The following BCAP31 variants were observed in gnomAD, a reference collection of about 807,000 sequenced individuals.
The protein encoded by BCAP31 is B cell receptor associated protein 31, also known as B-cell receptor-associated protein 31.
For synonymous variants in BCAP31, 75 were observed against 80.9 expected, an observed-to-expected ratio of 0.93 and a Z score of 0.39; for missense variants, 124 against 193.0, an observed-to-expected ratio of 0.64 and a Z score of 2.12.
intron 4 of BCAP31, among the ~76,000 whole-genome samples, chrX:153,707,437 G>A (rs1453779718): frequency 5.4e-5 from 6 of 110,794 alleles, no homozygotes; most frequent in African/African-American, 2.0e-4. Context: ...ACTCCCAGGA[G>A]AGGAAATGCT....
rs916323139 is a variant in BCAP31, at chrX:153,715,122, C to G, written c.341+420G>C. On this transcript the variant is annotated intron_variant, in intron 4 of 7. Coordinates refer to ENST00000345046, the MANE Select transcript of BCAP31 (RefSeq NM_001256447.2). ...CCTGAGGTGAGGAGAGGCCCAGCCTCTTCGTGCCACTTTTACCTGCTGTCC... is the reference window on the plus strand; with the variant it reads ...CCTGAGGTGAGGAGAGGCCCAGCCTGTTCGTGCCACTTTTACCTGCTGTCC... Among the ~76,000 whole-genome samples the G allele has an allele frequency of 4.5e-5, 5 of 112,014 alleles. No individual in the cohort carries two copies. In the Admixed American group the frequency reaches 4.7e-4, roughly 11 times the overall value.
chrX:153,723,412 C>A, intron 1 of BCAP31, 124 bp from the exon 2 acceptor site: 1 of 1,128,536 alleles, frequency 8.9e-7, no homozygotes, highest in Admixed American at 2.8e-5. Context: ...GCTTCAAAGT[C>A]TCTGATGCGC....
At position 153,713,357 on chromosome X, in the gene BCAP31, A is replaced by G. The variant is rs2266869; in HGVS notation, c.341+2185T>C. ...ACTTCGGCATCTGGTCGTTAAGAAC[A>G]GACTCAGACTGGCAAGCATCATGCT... On this transcript the variant is annotated intron_variant, in intron 4 of 7. Coordinates refer to ENST00000345046, the MANE Select transcript of BCAP31 (RefSeq NM_001256447.2). Among the ~76,000 whole-genome samples, 507 of 112,181 alleles carry G rather than the reference A, an allele frequency of 4.5e-3. 4 individuals carry two copies. The highest frequency in any genetic ancestry group is 0.035 in the East Asian group (125 of 3,566).
intron 4 of BCAP31, among the ~76,000 whole-genome samples, chrX:153,714,129 G>C (rs782511665): frequency 9.2e-6 from 1 of 108,729 alleles, no homozygotes; most frequent in Admixed American, 9.9e-5. Context: ...CACCTGCCTC[G>C]GCCTCCCAAA....
At chrX:153,710,446 GCTGGGCCACACA>G (rs1557048987) in intron 4 of BCAP31, among the ~76,000 whole-genome samples, 19 of 111,875 alleles carry the variant, frequency 1.7e-4, no homozygotes, top group Admixed American at 5.6e-4. Context: ...GCCTCACCCT[GCTGGGCCACACA>G]CTGAGAAATG....
At chrX:153,706,778 G>A (rs2091557736) in intron 4 of BCAP31, among the ~76,000 whole-genome samples, 1 of 105,878 alleles carries the variant, frequency 9.4e-6, no homozygotes, top group Non-Finnish European at 1.9e-5. Context: ...CAGGCAAACC[G>A]CCTTGGACTC....
intron 4 of BCAP31, among the ~76,000 whole-genome samples, chrX:153,713,881 C>CTTTTTTTTTT (rs1209475410): frequency 3.1e-5 from 2 of 63,532 alleles, no homozygotes; most frequent in African/African-American, 1.5e-4. Context: ...CGATACTATT[C>CTTTTTTTTTT]TTTTTTTTTT....
intron 4 of BCAP31, among the ~76,000 whole-genome samples, chrX:153,714,576 T>C (rs1301540747): frequency 9.0e-6 from 1 of 110,813 alleles, no homozygotes; most frequent in Non-Finnish European, 1.9e-5. Flanking sequence ...TTAAGACAAG[T>C]AGTCATCGTA....
At chrX:153,718,489 A>G (rs1557050476) in intron 3 of BCAP31, among the ~76,000 whole-genome samples, 1 of 110,921 alleles carries the variant, frequency 9.0e-6, no homozygotes, top group African/African-American at 3.3e-5. Context: ...GGAAAGAAAC[A>G]TAAATACTTT....
At chrX:153,723,586 C>A in intron 1 of BCAP31, 1 of 1,168,297 alleles carries the variant, frequency 8.6e-7, no homozygotes, top group Non-Finnish European at 1.1e-6. Flanking sequence ...CCCGAGATTT[C>A]CGACGCCCGT....
chrX:153,715,385 T>C, intron 4 of BCAP31, 157 bp downstream of exon 4: 1 of 846,491 alleles, frequency 1.2e-6, no homozygotes, highest in Non-Finnish European at 1.7e-6. Flanking sequence ...AGGAGAAAAC[T>C]ATGTGGCTTC....
chrX:153,700,673 G>A lies in BCAP31; in HGVS notation c.*264C>T. 1 of 329,731 alleles carries A rather than the reference G, an allele frequency of 3.0e-6. No homozygotes were observed. Among genetic ancestry groups the A allele is most frequent in the Non-Finnish European group, 5.2e-6 (1 of 190,828 alleles). The allele number at this position is 329,731 out of a possible 1,213,427, so 27.2% of individuals were successfully genotyped here. A position where few individuals can be genotyped will look rare whatever the true frequency, so the allele number is the denominator to read the frequency against. On this transcript the variant is annotated 3_prime_UTR_variant, in exon 8 of 8. Transcript: ENST00000345046. ...AACTAACTCGTGCTCTCCACGCTCA[G>A]GCGTGGAAGCCAAGGCTGTGCCAGG...
chrX:153,700,854 C>A lies in BCAP31; in HGVS notation c.*83G>T. On this transcript the variant is annotated 3_prime_UTR_variant, in exon 8 of 8. Coordinates refer to ENST00000345046, the MANE Select transcript of BCAP31 (RefSeq NM_001256447.2). ...AAGCAGAAGGGCACAAACAGAAGTA[C>A]TGGAGGGAGAGGCCGGGCTCTCAGG... The A allele has an allele frequency of 1.0e-6, 1 of 988,664 alleles. No individual in the cohort carries two copies. The highest frequency in any genetic ancestry group is 1.4e-6 in the Non-Finnish European group (1 of 702,871). 81.5% of individuals were successfully genotyped at this position (988,664 alleles called of 1,213,427 possible).
intron 6 of BCAP31, chrX:153,702,329 G>A: frequency 2.7e-6 from 1 of 363,890 alleles, no homozygotes; most frequent in Non-Finnish European, 4.8e-6. Flanking sequence ...GAAACACAGA[G>A]GCCATCCCCC....
chrX:153,714,232 A>G (rs1176014819), intron 4 of BCAP31, among the ~76,000 whole-genome samples: 1 of 105,552 alleles, frequency 9.5e-6, no homozygotes, highest in Non-Finnish European at 1.9e-5. Context: ...TAGATGGCCT[A>G]GTTTCCTCTC....
At chrX:153,701,831 G>T (rs2091519996) in intron 7 of BCAP31, among the ~76,000 whole-genome samples, 176 bp downstream of exon 7, 1 of 112,948 alleles carries the variant, frequency 8.9e-6, no homozygotes, top group African/African-American at 3.2e-5. Flanking sequence ...CTGCTGCCAG[G>T]CCACCCCCCT....
At chrX:153,707,548 A>G (rs1557048501) in intron 4 of BCAP31, among the ~76,000 whole-genome samples, 1 of 111,785 alleles carries the variant, frequency 8.9e-6, no homozygotes, top group Non-Finnish European at 1.9e-5. Context: ...CCTGGCACCA[A>G]GAGGGGCAGA....
intron 1 of BCAP31, chrX:153,723,685 A>T: frequency 8.7e-7 from 1 of 1,154,589 alleles, no homozygotes. Context: ...CTTCCCCGCC[A>T]GGCAGAACTC....
chrX:153,705,202 C>A (rs190866668), intron 4 of BCAP31: 1 of 113,487 alleles, frequency 8.8e-6, no homozygotes, highest in East Asian at 2.8e-4. Flanking sequence ...GGCCTTCACA[C>A]TTCACAGCCT....
Sources: gnomAD v4.1 joint callset for allele counts (sites outside exome capture counted in the v4.1 genomes callset) on GRCh38, gnomAD v4.1.1 for gene constraint, MANE v1.5 for transcripts, NCBI Gene and HGNC (gene_info 2026-07-23, HGNC 2026-07-21) for gene names.